The following UNC13C variants were observed in gnomAD, a reference collection of about 807,000 sequenced individuals.
UNC13C encodes protein unc-13 homolog C.
Under a neutral mutation model 245.4 loss-of-function variants are expected in UNC13C, and 174 were observed. The observed-to-expected ratio is 0.71, with a 90% CI of 0.63 to 0.80. The LOEUF is 0.80. Among genes scored for constraint, UNC13C ranks in the 30% least tolerant of loss-of-function variants. The pLI is 0.00. For synonymous variants in UNC13C, 992 were observed against 895.1 expected, an observed-to-expected ratio of 1.11 and a Z score of -1.93; for missense variants, 2,829 against 2,602.9, an observed-to-expected ratio of 1.09 and a Z score of -1.89.
intron 30 of UNC13C, among the ~76,000 whole-genome samples, chr15:54,619,671 G>C (rs1900671423): frequency 6.6e-6 from 1 of 152,164 alleles, no homozygotes; most frequent in South Asian, 2.1e-4. Context: ...ACTGAAATTT[G>C]AAATGGTCAG....
intron 4 of UNC13C, among the ~76,000 whole-genome samples, chr15:54,162,674 T>C (rs1373844478): frequency 6.6e-6 from 1 of 152,232 alleles, no homozygotes; most frequent in African/African-American, 2.4e-5. Context: ...CCTGGAACTT[T>C]CTCCATCTCC....
intron 10 of UNC13C, among the ~76,000 whole-genome samples, chr15:54,287,484 C>A (rs930315889): frequency 6.6e-6 from 1 of 152,168 alleles, no homozygotes; most frequent in Non-Finnish European, 1.5e-5. Flanking sequence ...TAAGCCACAG[C>A]TTTATCAAAG....
the UNC13C span, among the ~76,000 whole-genome samples, chr15:53,839,969 T>C: frequency 6.6e-6 from 1 of 152,134 alleles, no homozygotes; most frequent in Non-Finnish European, 1.5e-5. Flanking sequence ...TCCTGTTTTT[T>C]ACCATTCTTC....
chr15:54,438,339 T>C (rs1426264594), intron 19 of UNC13C, among the ~76,000 whole-genome samples: 1 of 151,980 alleles, frequency 6.6e-6, no homozygotes, highest in Non-Finnish European at 1.5e-5. Context: ...TGTTTGCTCT[T>C]CTTCTAGTAA....
chr15:54,629,255 G>C (rs1189412669), downstream of UNC13C: 1 of 152,036 alleles, frequency 6.6e-6, no homozygotes, highest in African/African-American at 2.4e-5. Context: ...TGGACACTAA[G>C]GGGGCAACAA....
At chr15:53,906,040 G>T in the UNC13C span, among the ~76,000 whole-genome samples, 4 of 152,112 alleles carry the variant, frequency 2.6e-5, no homozygotes, top group East Asian at 1.9e-4. Flanking sequence ...TCCATTAAAA[G>T]TCTCTGCAAT....
intron 1 of UNC13C, among the ~76,000 whole-genome samples, chr15:54,005,983 G>A (rs898187847): frequency 6.6e-6 from 1 of 152,136 alleles, no homozygotes; most frequent in Admixed American, 6.5e-5. Flanking sequence ...GTAAACTGCT[G>A]TAGTATTCTA....
At chr15:54,214,446 G>T (rs1335741343) in intron 4 of UNC13C, among the ~76,000 whole-genome samples, 1 of 151,836 alleles carries the variant, frequency 6.6e-6, no homozygotes, top group African/African-American at 2.4e-5. Flanking sequence ...CTATATAAGA[G>T]GATGCAAGAA....
intron 4 of UNC13C, among the ~76,000 whole-genome samples, chr15:54,152,202 G>T (rs540252909): frequency 6.3e-4 from 96 of 152,116 alleles, no homozygotes; most frequent in Non-Finnish European, 1.1e-3. Flanking sequence ...TCACTCCAGG[G>T]TCTAAATCTC....
At chr15:54,261,485 C>G (rs1009692369) in intron 8 of UNC13C, among the ~76,000 whole-genome samples, 11 of 152,112 alleles carry the variant, frequency 7.2e-5, no homozygotes, top group Non-Finnish European at 8.8e-5. Flanking sequence ...GAATAATTTT[C>G]TTCTGATCAA....
chr15:53,938,463 T>C, the UNC13C span, among the ~76,000 whole-genome samples: 2 of 152,012 alleles, frequency 1.3e-5, no homozygotes, highest in African/African-American at 4.8e-5. Flanking sequence ...GACAGAAAAT[T>C]AACGAAGATA....
the UNC13C span, among the ~76,000 whole-genome samples, chr15:53,883,977 G>C: frequency 6.6e-6 from 1 of 152,136 alleles, no homozygotes; most frequent in East Asian, 1.9e-4. Flanking sequence ...GGTTCCTTCT[G>C]TTTTTCTCTC....
chr15:54,613,629 G>T (rs1900246470), intron 30 of UNC13C, among the ~76,000 whole-genome samples: 2 of 151,926 alleles, frequency 1.3e-5, no homozygotes, highest in Non-Finnish European at 2.9e-5. Flanking sequence ...GACCAGGGAG[G>T]AGAACTCATG....
chr15:54,184,145 T>G (rs1462124367), intron 4 of UNC13C, among the ~76,000 whole-genome samples: 1 of 152,176 alleles, frequency 6.6e-6, no homozygotes, highest in Non-Finnish European at 1.5e-5. Flanking sequence ...TTGAGGCAAC[T>G]GATGCTAATA....
chr15:54,107,810 C>T (rs1900522495), intron 2 of UNC13C, among the ~76,000 whole-genome samples: 1 of 152,168 alleles, frequency 6.6e-6, no homozygotes, highest in Middle Eastern at 3.2e-3. Flanking sequence ...ATTAGGTCAT[C>T]TCTCAAAGTC....
the UNC13C span, among the ~76,000 whole-genome samples, chr15:53,871,329 A>G: frequency 2.0e-5 from 3 of 152,172 alleles, no homozygotes; most frequent in Admixed American, 2.0e-4. Flanking sequence ...TGCCTATGTA[A>G]TATTTTATAA....
At chr15:53,947,858 G>A in the UNC13C span, 1 of 152,182 alleles carries the variant, frequency 6.6e-6, no homozygotes. Context: ...CACATGGGCA[G>A]AAAAATATCT....
At chr15:53,917,900 C>T in the UNC13C span, among the ~76,000 whole-genome samples, 3 of 152,166 alleles carry the variant, frequency 2.0e-5, no homozygotes, top group East Asian at 5.8e-4. Flanking sequence ...ACTTAAAGCA[C>T]AGTCACCTGT....
At chr15:53,863,638 T>A in the UNC13C span, among the ~76,000 whole-genome samples, 1 of 152,218 alleles carries the variant, frequency 6.6e-6, no homozygotes, top group Non-Finnish European at 1.5e-5. Flanking sequence ...AAAGGATTGA[T>A]AATTAATATC....
Sources: allele counts gnomAD v4.1 joint callset (sites outside exome capture counted in the v4.1 genomes callset), GRCh38; gene constraint gnomAD v4.1.1; transcripts MANE v1.5; gene names NCBI Gene and HGNC (gene_info 2026-07-23, HGNC 2026-07-21).